Variants in CNBD1 observed in about 807,000 individuals in gnomAD.
CNBD1 encodes cyclic nucleotide-binding domain-containing protein 1.
In CNBD1, 71 loss-of-function variants were observed where a neutral mutation model predicts 54.4. The ratio of observed to expected loss-of-function variants is 1.30; its 90% CI spans 1.08 to 1.59. The LOEUF is 1.59. CNBD1 is among the 40% of genes most tolerant of loss of function. The pLI is 0.00. For synonymous variants in CNBD1, 182 were observed against 170.7 expected, an observed-to-expected ratio of 1.07 and a Z score of -0.51; for missense variants, 659 against 518.0, an observed-to-expected ratio of 1.27 and a Z score of -2.64.
rs1367103731 is a variant in CNBD1, at chr8:87,153,250, T to A, written c.432-52743T>A. Among the ~76,000 whole-genome samples the A allele has an allele frequency of 3.3e-5, 5 of 152,282 alleles. No homozygotes were observed. In the East Asian group the frequency reaches 9.7e-4, roughly 29 times the overall value. ...TTGGGAAAGAAAATTGCATATTGTG[T>A]CTGTAATTATTTTGCTCTCTGAAGA... On this transcript the variant is annotated intron_variant, in intron 4 of 10. Transcript: ENST00000518476.
chr8:87,238,591 G>A (rs1196156354), intron 6 of CNBD1, among the ~76,000 whole-genome samples: 1 of 152,018 alleles, frequency 6.6e-6, no homozygotes, highest in Non-Finnish European at 1.5e-5. Flanking sequence ...ACTTGCAGAG[G>A]TTGAGACTGC....
intron 6 of CNBD1, among the ~76,000 whole-genome samples, chr8:87,275,918 A>G (rs1243225226): frequency 6.6e-6 from 1 of 152,012 alleles, no homozygotes; most frequent in African/African-American, 2.4e-5. Flanking sequence ...AAGTATTCTT[A>G]TACACCAATA....
At chr8:87,262,161 C>CAAACA (rs1210305059) in intron 6 of CNBD1, among the ~76,000 whole-genome samples, 3 of 151,868 alleles carry the variant, frequency 2.0e-5, no homozygotes, top group African/African-American at 7.2e-5. Flanking sequence ...CTAAAACACA[C>CAAACA]AAACAAAACA....
downstream of CNBD1, among the ~76,000 whole-genome samples, chr8:87,383,263 C>T (rs1390007083): frequency 6.6e-6 from 1 of 152,070 alleles, no homozygotes; most frequent in Non-Finnish European, 1.5e-5. Flanking sequence ...AGTTATTACA[C>T]ATGCTTCATA....
intron 2 of CNBD1, among the ~76,000 whole-genome samples, chr8:87,421,059 A>G (rs1028489164): frequency 2.6e-5 from 4 of 152,044 alleles, no homozygotes; most frequent in African/African-American, 9.7e-5. Context: ...AAAATGCTTC[A>G]TAATTTTAAA....
At chr8:87,379,026 G>T (rs1182867922) in intron 10 of CNBD1, among the ~76,000 whole-genome samples, 1 of 150,376 alleles carries the variant, frequency 6.6e-6, no homozygotes, top group Non-Finnish European at 1.5e-5. Context: ...CTTTGCTGAA[G>T]TTGCTTATCA....
At chr8:86,936,981 A>T (rs940265251) in intron 3 of CNBD1, among the ~76,000 whole-genome samples, 3 of 152,160 alleles carry the variant, frequency 2.0e-5, no homozygotes, top group Non-Finnish European at 4.4e-5. Context: ...TAAACTGAGG[A>T]TAATATTGCC....
intron 6 of CNBD1, among the ~76,000 whole-genome samples, chr8:87,261,141 G>A (rs919754450): frequency 1.3e-5 from 2 of 151,998 alleles, no homozygotes; most frequent in Non-Finnish European, 2.9e-5. Flanking sequence ...ATTTGTTCCC[G>A]GACCCAGTCC....
chr8:87,394,766 A>T (rs1450014190), intron 2 of CNBD1, among the ~76,000 whole-genome samples: 1 of 151,972 alleles, frequency 6.6e-6, no homozygotes, highest in East Asian at 1.9e-4. Context: ...TAAGATAATT[A>T]AACTCATCTG....
chr8:87,145,765 T>C (rs1362895326), intron 4 of CNBD1, among the ~76,000 whole-genome samples: 1 of 151,888 alleles, frequency 6.6e-6, no homozygotes, highest in Non-Finnish European at 1.5e-5. Flanking sequence ...TAGAGAAGGG[T>C]TGAGGATTTC....
At chr8:87,233,815 TC>T (rs138728950) in intron 5 of CNBD1, among the ~76,000 whole-genome samples, 3,667 of 152,266 alleles carry the variant, frequency 0.024, 131 homozygotes, top group African/African-American at 0.071. Context: ...GTTTTCTGCA[TC>T]AATTGACTCT....
At chr8:86,968,557 G>A (rs775526512) in intron 4 of CNBD1, among the ~76,000 whole-genome samples, 34 of 152,196 alleles carry the variant, frequency 2.2e-4, no homozygotes, top group Non-Finnish European at 3.2e-4. Context: ...CACCAGGGAG[G>A]CAGGTCTATG....
At chr8:87,389,802 C>A (rs1221908795) in intron 2 of CNBD1, among the ~76,000 whole-genome samples, 1 of 152,116 alleles carries the variant, frequency 6.6e-6, no homozygotes, top group Non-Finnish European at 1.5e-5. Context: ...CAATCCTAAG[C>A]CGAAAGAACA....
At chr8:87,071,794 G>T (rs926197452) in intron 4 of CNBD1, among the ~76,000 whole-genome samples, 1 of 152,078 alleles carries the variant, frequency 6.6e-6, no homozygotes, top group Admixed American at 6.6e-5. Flanking sequence ...CTGTTGTTTT[G>T]GGGTGGAGAG....
chr8:86,965,233 G>A (rs973726132), intron 4 of CNBD1, among the ~76,000 whole-genome samples: 4 of 152,156 alleles, frequency 2.6e-5, no homozygotes, highest in Non-Finnish European at 5.9e-5. Context: ...AAAAAAGAAA[G>A]AAACAATAAT....
At chr8:86,995,065 G>A (rs1808838728) in intron 4 of CNBD1, among the ~76,000 whole-genome samples, 1 of 152,052 alleles carries the variant, frequency 6.6e-6, no homozygotes, top group Non-Finnish European at 1.5e-5. Context: ...GCTTTTAGAG[G>A]CATCAAATAA....
chr8:87,375,090 A>G (rs1333692951), intron 10 of CNBD1, among the ~76,000 whole-genome samples: 2 of 151,952 alleles, frequency 1.3e-5, no homozygotes, highest in African/African-American at 4.8e-5. Flanking sequence ...GTACATTTAG[A>G]AATGAAAATA....
downstream of CNBD1, among the ~76,000 whole-genome samples, chr8:87,386,541 A>G (rs1045075881): frequency 5.9e-5 from 9 of 151,874 alleles, no homozygotes; most frequent in African/African-American, 1.9e-4. Context: ...GAATGAAATG[A>G]AGTGAGAATT....
intron 8 of CNBD1, among the ~76,000 whole-genome samples, chr8:87,313,640 T>G (rs1375251066): frequency 6.6e-6 from 1 of 151,890 alleles, no homozygotes; most frequent in Non-Finnish European, 1.5e-5. Flanking sequence ...AAAGTGATGT[T>G]TTTTTCTTCT....
Sources: gnomAD v4.1 joint callset for allele counts (sites outside exome capture counted in the v4.1 genomes callset) on GRCh38, gnomAD v4.1.1 for gene constraint, MANE v1.5 for transcripts, NCBI Gene and HGNC (gene_info 2026-07-23, HGNC 2026-07-21) for gene names.